Variants in ASAH2 observed in about 807,000 individuals in gnomAD.
The protein encoded by ASAH2 is neutral ceramidase.
In ASAH2, 58 loss-of-function variants were observed where a neutral mutation model predicts 82.9. That is an observed-to-expected ratio of 0.70 (90% CI 0.57 to 0.87). The LOEUF is 0.87. Ranked by LOEUF, ASAH2 falls within the 40% of genes least tolerant of loss-of-function variation. ASAH2 has a pLI of 0.00. For synonymous variants in ASAH2, 276 were observed against 289.7 expected (o/e 0.95, Z 0.48); for missense variants, 779 against 834.0 (o/e 0.93, Z 0.81).
intron 7 of ASAH2, among the ~76,000 whole-genome samples, chr10:50,231,546 C>T (rs971901029): frequency 2.6e-5 from 4 of 152,254 alleles, no homozygotes; most frequent in East Asian, 1.9e-4. Flanking sequence ...GCCCCAATCA[C>T]CCCACCAGCT....
chr10:50,217,997 C>T (rs1405633276), intron 8 of ASAH2, among the ~76,000 whole-genome samples: 1 of 152,042 alleles, frequency 6.6e-6, no homozygotes, highest in African/African-American at 2.4e-5. Context: ...TGGGGGTGTG[C>T]ACCTGTAATT....
rs137937721 is a variant in ASAH2 at position 50,245,328 on chromosome 10, G to A, written c.254C>T (p.Ser85Phe). 7 of 1,614,024 alleles carry A rather than the reference G, an allele frequency of 4.3e-6. No homozygotes were observed. In the African/African-American group the frequency reaches 9.3e-5, roughly 22 times the overall value. Residue 85 changes from serine to phenylalanine, a missense_variant, in exon 3 of 21, where the codon TCT becomes TTT. Ser to Phe is a radical substitution (Grantham distance 155). Transcript: ENST00000682911. ...AGACTCTGGGGTTAAAGGCACTGGA[G>A]AAGTTTGAGTGGCTGTGGAGCTCTG... is the stretch of plus-strand genomic sequence containing the variant. The part of the protein sequence containing the change: ...ATQSSTATQT[S>F]PVPLTPESPL...
At chr10:50,218,961 G>C (rs1477202226) in intron 7 of ASAH2, among the ~76,000 whole-genome samples, 2 of 152,310 alleles carry the variant, frequency 1.3e-5, no homozygotes, top group Middle Eastern at 3.4e-3. Flanking sequence ...TAGGCACACA[G>C]GTAGTAATTA....
At chr10:50,204,098 G>A (rs1845230135) in intron 14 of ASAH2, among the ~76,000 whole-genome samples, 1 of 152,026 alleles carries the variant, frequency 6.6e-6, no homozygotes, top group African/African-American at 2.4e-5. Flanking sequence ...AGATATGAGA[G>A]CTTGATGAAG....
rs1589343916 is a variant in ASAH2 at position 50,225,374 on chromosome 10, C to T, written c.894-6744G>A. Among the ~76,000 whole-genome samples, 3 of 152,104 alleles carry T rather than the reference C, an allele frequency of 2.0e-5. No individual in the cohort carries two copies. In the South Asian group the frequency reaches 6.2e-4, roughly 32 times the overall value. Reference sequence around the variant, plus strand: ...CAGAGGTTGCAGTGAGCTGAGATCACGCCACTGTACTCCAGGCTGGGCGAC... The same window carrying T: ...CAGAGGTTGCAGTGAGCTGAGATCATGCCACTGTACTCCAGGCTGGGCGAC... On this transcript the variant is annotated intron_variant, in intron 7 of 20. Coordinates refer to ENST00000682911, the MANE Select transcript of ASAH2 (RefSeq NM_019893.4).
chr10:50,244,744 TG>T (rs898079668), intron 3 of ASAH2, among the ~76,000 whole-genome samples: 2 of 152,202 alleles, frequency 1.3e-5, no homozygotes, highest in Non-Finnish European at 2.9e-5. Flanking sequence ...TCTGGGGATT[TG>T]GGGGCTTCTT....
In ASAH2 at chr10:50,187,019, G is replaced by C. The variant is rs1844760927; in HGVS notation, c.*296C>G. 1 of 361,362 alleles carries C rather than the reference G, an allele frequency of 2.8e-6. No homozygotes were observed. Among genetic ancestry groups the C allele is most frequent in the South Asian group, 3.5e-5 (1 of 28,330 alleles). 22.4% of individuals were successfully genotyped at this position (361,362 alleles called of 1,614,324 possible). ...TTTAAACAACCCCAAGACTTCAAGG[G>C]AAATCATGCTTTAGGCTGTAGACCA... On this transcript the variant is annotated 3_prime_UTR_variant, in exon 21 of 21. Transcript: ENST00000682911.
At position 50,204,881 on chromosome 10, in the gene ASAH2, A is replaced by G; in HGVS notation, c.1605T>C (p.Thr535=). 2.5e-6 allele frequency: 4 copies of G among 1,611,378 alleles called. No homozygotes were observed. Among genetic ancestry groups the G allele is most frequent in the East Asian group, 4.5e-5 (2 of 44,838 alleles). Residue 535 remains threonine, a synonymous_variant, in exon 14 of 21, where the codon ACT becomes ACC. Coordinates refer to ENST00000682911, the MANE Select transcript of ASAH2 (RefSeq NM_019893.4). ...CTTACGTAAACTCCCCGGGGATGGCAGTTATGGCCAAGGACCCAAGGGTAA... is the reference window on the plus strand; with the variant it reads ...CTTACGTAAACTCCCCGGGGATGGCGGTTATGGCCAAGGACCCAAGGGTAA... The part of the protein sequence containing the change: ...QIITLGSLAI[T]AIPGEFTTMS...
At chr10:50,206,537 TACACACACACACACAC>T (rs544968746) in intron 12 of ASAH2, among the ~76,000 whole-genome samples, 123 of 130,824 alleles carry the variant, frequency 9.4e-4, no homozygotes, top group Non-Finnish European at 1.7e-3. Context: ...TTTAGTTATC[TACACACACACACACAC>T]ACACACACAC....
At chr10:50,207,940 C>T (rs1845347158) in intron 12 of ASAH2, among the ~76,000 whole-genome samples, 1 of 151,792 alleles carries the variant, frequency 6.6e-6, no homozygotes, top group Non-Finnish European at 1.5e-5. Context: ...AATACAGCAA[C>T]ACAGAGAAAG....
In ASAH2 at chr10:50,193,737, A is replaced by G. The variant is rs1327469735; in HGVS notation, c.2005-1025T>C. Among the ~76,000 whole-genome samples the G allele has an allele frequency of 2.6e-5, 4 of 151,954 alleles. No homozygotes were observed. In the East Asian group the frequency reaches 7.8e-4, roughly 30 times the overall value. ...ATAGGTAATGCAATAGGTAAAAGCA[A>G]TAAAACTAAATGCTAGTTCTTTGAG... On this transcript the variant is annotated intron_variant, in intron 18 of 20. Coordinates refer to ENST00000682911, the MANE Select transcript of ASAH2 (RefSeq NM_019893.4).
At chr10:50,223,975 T>C (rs1845814182) in intron 7 of ASAH2, among the ~76,000 whole-genome samples, 1 of 152,148 alleles carries the variant, frequency 6.6e-6, no homozygotes, top group African/African-American at 2.4e-5. Context: ...ATGCCTTGAA[T>C]TTGGACTTCT....
chr10:50,207,930 A>C (rs1845346613), intron 12 of ASAH2, among the ~76,000 whole-genome samples: 3 of 151,978 alleles, frequency 2.0e-5, no homozygotes, highest in Admixed American at 1.3e-4. Flanking sequence ...TAGCAAACTG[A>C]ATACAGCAAC....
intron 4 of ASAH2, among the ~76,000 whole-genome samples, chr10:50,237,916 T>C (rs1846199576): frequency 6.6e-6 from 1 of 152,204 alleles, no homozygotes; most frequent in African/African-American, 2.4e-5. Flanking sequence ...ATGTACCCCA[T>C]AACTATATGT....
At chr10:50,245,485 C>T (rs770909136) in intron 2 of ASAH2, 31 bp from the exon 3 acceptor site, 51 of 1,566,536 alleles carry the variant, frequency 3.3e-5, no homozygotes, top group Non-Finnish European at 3.1e-5. Flanking sequence ...TGAGAAACAA[C>T]ATTTCAGCCC....
intron 7 of ASAH2, among the ~76,000 whole-genome samples, chr10:50,223,471 G>A (rs1303249974): frequency 2.0e-5 from 3 of 152,156 alleles, no homozygotes; most frequent in Non-Finnish European, 4.4e-5. Context: ...GTGTAACTTA[G>A]ACAAAGGTTC....
Position 50,245,213 on chromosome 10 carries a change from T to C in ASAH2, c.360+9A>G. ...CACAGTCTCCTTAAGGAGCCCATTG[T>C]CTACTTGCCAAATTGATATCTGCTA... On this transcript the variant is annotated intron_variant, in intron 3 of 20. Transcript: ENST00000682911. 6.2e-7 allele frequency: 1 copy of C among 1,602,426 alleles called. No homozygotes were observed. The highest frequency in any genetic ancestry group is 8.6e-7 in the Non-Finnish European group (1 of 1,169,422).
chr10:50,236,854 T>C (rs1846173325), intron 4 of ASAH2, among the ~76,000 whole-genome samples: 1 of 152,166 alleles, frequency 6.6e-6, no homozygotes, highest in East Asian at 1.9e-4. Flanking sequence ...CTCTTATTCA[T>C]TCATCATTCA....
intron 7 of ASAH2, among the ~76,000 whole-genome samples, chr10:50,229,584 T>C (rs1481437653): frequency 6.6e-6 from 1 of 152,180 alleles, no homozygotes; most frequent in Non-Finnish European, 1.5e-5. Context: ...TGAGTTTTCA[T>C]TCCTCTTGGT....
Sources: allele counts gnomAD v4.1 joint callset (sites outside exome capture counted in the v4.1 genomes callset), GRCh38; gene constraint gnomAD v4.1.1; transcripts MANE v1.5; gene names NCBI Gene and HGNC (gene_info 2026-07-23, HGNC 2026-07-21).